The following USP32 variants were observed in gnomAD, a reference collection of about 807,000 sequenced individuals.
The protein encoded by USP32 is ubiquitin specific peptidase 32.
USP32 carries 59 observed loss-of-function variants against 204.8 expected under a neutral mutation model. The ratio of observed to expected loss-of-function variants is 0.29; its 90% CI spans 0.23 to 0.36. USP32 has a LOEUF of 0.36. USP32 is among the 10% of genes least tolerant of loss of function. USP32 has a pLI of 1.00. For synonymous variants in USP32, 517 were observed against 678.4 expected, an observed-to-expected ratio of 0.76 and a Z score of 3.70; for missense variants, 1,160 against 1,946.4, an observed-to-expected ratio of 0.60 and a Z score of 7.60.
At chr17:60,378,409 T>C (rs184972618) in intron 1 of USP32, among the ~76,000 whole-genome samples, 1 of 152,208 alleles carries the variant, frequency 6.6e-6, no homozygotes, top group East Asian at 1.9e-4. Context: ...GGGTTAAATA[T>C]AGAATTACCA....
chr17:60,185,314 C>T lies in USP32; in HGVS notation c.3834+146G>A, dbSNP rs924130104. On this transcript the variant is annotated intron_variant, in intron 30 of 33. Transcript: ENST00000300896. ...TTGTAGAAAGATTCATCTCTGTATT[C>T]AACATAAAAAGCTTGTACAGAAAGT... 12 of 901,756 alleles carry T rather than the reference C, an allele frequency of 1.3e-5. No homozygotes were observed. In the African/African-American group the frequency reaches 1.5e-4, roughly 11 times the overall value. 55.9% of individuals were successfully genotyped at this position (901,756 alleles called of 1,614,324 possible). A position where few individuals can be genotyped will look rare whatever the true frequency, so the allele number is the denominator to read the frequency against.
chr17:60,374,401 T>C (rs901610784), intron 1 of USP32, among the ~76,000 whole-genome samples: 1 of 149,914 alleles, frequency 6.7e-6, no homozygotes, highest in Non-Finnish European at 1.5e-5. Context: ...TAAGTTTTGT[T>C]TTTTTTTTTT....
At chr17:60,304,280 GA>G (rs1475455506) in intron 2 of USP32, among the ~76,000 whole-genome samples, 1 of 150,842 alleles carries the variant, frequency 6.6e-6, no homozygotes, top group South Asian at 2.1e-4. Context: ...AGCACTAAAG[GA>G]AAAAAACTCA....
chr17:60,196,140 A>G (rs1490711875), intron 27 of USP32, among the ~76,000 whole-genome samples: 1 of 151,906 alleles, frequency 6.6e-6, no homozygotes, highest in Non-Finnish European at 1.5e-5. Context: ...GGTGGCATGC[A>G]CCTGTACTCC....
rs185551315 is a variant in USP32, at chr17:60,389,337, T to C, written c.58+2545A>G. Among the ~76,000 whole-genome samples, 201 of 151,500 alleles carry C rather than the reference T, an allele frequency of 1.3e-3. 1 individual carries two copies. Among genetic ancestry groups the C allele is most frequent in the African/African-American group, 4.6e-3 (188 of 41,262 alleles). ...CTGGTGGATCACCTGTGGTTGAGAG[T>C]TTGAGACCATCCTGGCTAACATGAT... On this transcript the variant is annotated intron_variant, in intron 1 of 33. Coordinates refer to ENST00000300896, the MANE Select transcript of USP32 (RefSeq NM_032582.4).
chr17:60,336,916 T>C (rs541076350), intron 2 of USP32, among the ~76,000 whole-genome samples: 3 of 152,124 alleles, frequency 2.0e-5, no homozygotes, highest in Non-Finnish European at 2.9e-5. Flanking sequence ...GATCAAGATA[T>C]ACCGTAACAA....
At chr17:60,372,465 G>A (rs969583776) in intron 1 of USP32, among the ~76,000 whole-genome samples, 8 of 151,688 alleles carry the variant, frequency 5.3e-5, no homozygotes, top group African/African-American at 1.7e-4. Context: ...GAATATTGGA[G>A]GCAACTGTAA....
chr17:60,273,038 G>C (rs2145794337), intron 5 of USP32, among the ~76,000 whole-genome samples: 1 of 152,218 alleles, frequency 6.6e-6, no homozygotes, highest in South Asian at 2.1e-4. Flanking sequence ...GCGTGATCTC[G>C]GCTCACTGCA....
chr17:60,247,765 C>G (rs926652399), intron 11 of USP32, among the ~76,000 whole-genome samples: 2 of 151,940 alleles, frequency 1.3e-5, no homozygotes, highest in African/African-American at 4.8e-5. Context: ...CTCATTGCAA[C>G]CTCCACCTCC....
intron 4 of USP32, among the ~76,000 whole-genome samples, chr17:60,292,975 C>T (rs985436531): frequency 5.9e-5 from 9 of 152,086 alleles, no homozygotes; most frequent in African/African-American, 1.9e-4. Context: ...ACAAGTACAC[C>T]CCCACCTCAA....
upstream of USP32, chr17:60,392,274 A>T: frequency 6.6e-6 from 2 of 305,264 alleles, no homozygotes; most frequent in Non-Finnish European, 1.3e-5. Context: ...ACGGGACCCG[A>T]GGCCAGACAC....
Position 60,180,605 on chromosome 17 carries a change from G to A in USP32, c.4581C>T (p.Tyr1527=), listed in dbSNP as rs745625540. ...CHSGILGGGH[Y]VTYAKNPNCK... ...AGTTTGGGTTTTTGGCATAAGTGAC[G>A]TAATGGCCCCCACCCAGAATTCCTG... Residue 1527 remains tyrosine, a synonymous_variant, in exon 33 of 34, where the codon TAC becomes TAT. Transcript: ENST00000300896. 2.2e-5 allele frequency: 35 copies of A among 1,613,548 alleles called. 1 individual carries two copies. Among genetic ancestry groups the A allele is most frequent in the South Asian group, 2.0e-4 (18 of 91,064 alleles).
chr17:60,223,884 G>A (rs1285692624), intron 13 of USP32, among the ~76,000 whole-genome samples: 1 of 152,110 alleles, frequency 6.6e-6, no homozygotes, highest in Non-Finnish European at 1.5e-5. Flanking sequence ...GGAAGAGCTG[G>A]GCTAAGTGGC....
intron 1 of USP32, among the ~76,000 whole-genome samples, chr17:60,355,141 A>T (rs1469269285): frequency 6.6e-6 from 1 of 152,240 alleles, no homozygotes. Context: ...AACAACATGG[A>T]TGATGCTCAC....
intron 4 of USP32, 139 bp from the exon 5 acceptor site, chr17:60,288,821 A>C: frequency 1.5e-6 from 1 of 680,844 alleles, no homozygotes; most frequent in Admixed American, 2.9e-5. Context: ...ATAACACTGC[A>C]GGGTGTATAT....
chr17:60,408,760 C>T (rs1037926669), intron 1 of USP32, among the ~76,000 whole-genome samples: 12 of 152,110 alleles, frequency 7.9e-5, no homozygotes, highest in African/African-American at 2.7e-4. Flanking sequence ...GTAACCTGAG[C>T]ATGCCCAGAT....
At chr17:60,218,844 C>T (rs192128356) in intron 16 of USP32, among the ~76,000 whole-genome samples, 2 of 152,322 alleles carry the variant, frequency 1.3e-5, no homozygotes, top group Admixed American at 1.3e-4. Flanking sequence ...ATCTGCCCAC[C>T]TCAGCCTCCC....
intron 1 of USP32, among the ~76,000 whole-genome samples, chr17:60,371,813 G>C (rs1053498064): frequency 2.0e-5 from 3 of 152,162 alleles, no homozygotes; most frequent in Admixed American, 1.3e-4. Flanking sequence ...TCATAGTCTT[G>C]AAAGGAGACT....
chr17:60,298,374 G>A (rs936014582), intron 3 of USP32, among the ~76,000 whole-genome samples: 2 of 152,060 alleles, frequency 1.3e-5, no homozygotes, highest in Non-Finnish European at 2.9e-5. Context: ...CCCTTTATAA[G>A]AAATAAAGTT....
Sources: gnomAD v4.1 joint callset for allele counts (sites outside exome capture counted in the v4.1 genomes callset) on GRCh38, gnomAD v4.1.1 for gene constraint, MANE v1.5 for transcripts, NCBI Gene and HGNC (gene_info 2026-07-23, HGNC 2026-07-21) for gene names.